XRCC5: variants seen among roughly 807,000 people sequenced by gnomAD.
XRCC5 encodes DNA repair protein Ku80.
Under a neutral mutation model 95.7 loss-of-function variants are expected in XRCC5, and 12 were observed. The ratio of observed to expected loss-of-function variants is 0.13; its 90% confidence interval spans 0.08 to 0.20. XRCC5 has a LOEUF of 0.20. Ranked by LOEUF, XRCC5 falls within the 10% of genes least tolerant of loss-of-function variation. The pLI, the probability that XRCC5 is intolerant of heterozygous loss-of-function variation, is 1.00. For missense variants in XRCC5, 595 were observed against 873.9 expected (o/e 0.68, Z 4.02); for synonymous variants, 281 against 290.3 (o/e 0.97, Z 0.33).
Position 216,152,854 on chromosome 2 carries a change from C to T in XRCC5, c.1670+4578C>T, listed in dbSNP as rs191127035. ...GTCGAGATAGAGTCTTACTTTGTTC[C>T]CTAGGATGGATTCCTTTTTCTGCTT... On this transcript the variant is annotated intron_variant, in intron 14 of 20. Coordinates refer to ENST00000392132, the MANE Select transcript of XRCC5 (RefSeq NM_021141.4). Among the ~76,000 whole-genome samples the T allele has an allele frequency of 8.0e-4, 121 of 151,966 alleles. No homozygotes were observed. In the Middle Eastern group the frequency reaches 0.01, roughly 13 times the overall value.
chr2:216,138,138 T>C lies in XRCC5; in HGVS notation c.1301T>C (p.Met434Thr). The stretch of plus-strand genomic sequence containing the variant: ...TTCATGGAAGACTTGCGGCAATACA[T>C]GTTTTCATCCTTGAAAAACAGTAAG... ...LPFMEDLRQY[M>T]FSSLKNSKKY... The change falls in exon 12 of 21, where the codon ATG becomes ACG. Residue 434 changes from methionine to threonine, a missense_variant. Around this residue, in one of 2 missense-constraint regions of XRCC5, gnomAD observed 309 missense variants for 382.9 expected, o/e 0.81. Coordinates refer to ENST00000392132, the MANE Select transcript of XRCC5 (RefSeq NM_021141.4). 1.9e-6 allele frequency: 3 copies of C among 1,613,588 alleles called. No individual in the cohort carries two copies. The highest frequency in any genetic ancestry group is 2.5e-6 in the Non-Finnish European group (3 of 1,179,964).
rs750984846 is a variant in XRCC5, at chr2:216,116,602, T to C, written c.136-57T>C. ...GTCCTGCTCCCTGAAGGTTAGGTAT[T>C]TTATTGCTTCCAGATTGTTCTAATA... On this transcript the variant is annotated intron_variant, in intron 2 of 20. Transcript: ENST00000392132. 3.7e-6 allele frequency: 6 copies of C among 1,605,532 alleles called. No homozygotes were observed. The African/African-American group carries it at 5.3e-5, about 14-fold the overall frequency.
intron 16 of XRCC5, among the ~76,000 whole-genome samples, chr2:216,182,984 T>C (rs560032493): frequency 6.6e-6 from 1 of 152,332 alleles, no homozygotes; most frequent in Non-Finnish European, 1.5e-5. Flanking sequence ...TCTGGTCATA[T>C]ACCCAAGCTA....
intron 10 of XRCC5, among the ~76,000 whole-genome samples, chr2:216,135,813 G>A (rs1697065457): frequency 6.6e-6 from 1 of 150,800 alleles, no homozygotes; most frequent in South Asian, 2.1e-4. Flanking sequence ...AAAAAAAAGT[G>A]AAGGATGAGA....
At chr2:216,131,122 G>A (rs949966810) in intron 9 of XRCC5, 135 bp downstream of exon 9, 18 of 1,414,062 alleles carry the variant, frequency 1.3e-5, no homozygotes, top group South Asian at 1.5e-5. Context: ...GGGGGTTAAT[G>A]TTGCCATGGT....
chr2:216,141,826 G>C (rs1361870444), intron 13 of XRCC5, among the ~76,000 whole-genome samples: 1 of 152,104 alleles, frequency 6.6e-6, no homozygotes, highest in East Asian at 1.9e-4. Flanking sequence ...GCTGAGGCAG[G>C]TGCATCACTT....
intron 13 of XRCC5, among the ~76,000 whole-genome samples, chr2:216,142,634 G>A (rs377627961): frequency 2.5e-4 from 38 of 152,216 alleles, no homozygotes; most frequent in African/African-American, 8.9e-4. Flanking sequence ...AAGGCAAGCT[G>A]TTGCTCACAG....
chr2:216,109,586 C>T, intron 1 of XRCC5, 129 bp downstream of exon 1: 5 of 1,389,866 alleles, frequency 3.6e-6, no homozygotes, highest in Non-Finnish European at 5.0e-6. Flanking sequence ...GTGGTGGGCT[C>T]AGTCAGGAGG....
At chr2:216,140,904 T>C (rs1697160454) in intron 12 of XRCC5, among the ~76,000 whole-genome samples, 1 of 152,256 alleles carries the variant, frequency 6.6e-6, no homozygotes, top group South Asian at 2.1e-4. Context: ...TATGGCTGTA[T>C]TCCTCTGAAA....
chr2:216,137,370 G>A (rs1697101287), intron 11 of XRCC5, 145 bp downstream of exon 11: 3 of 940,280 alleles, frequency 3.2e-6, no homozygotes, highest in Admixed American at 3.8e-5. Context: ...GCAGGGCCCA[G>A]ATTCTCTGTT....
chr2:216,204,380 G>A lies in XRCC5; in HGVS notation c.2168G>A (p.Gly723Asp). 6.2e-7 allele frequency: 1 copy of A among 1,613,920 alleles called. No individual in the cohort carries two copies. Among genetic ancestry groups the A allele is most frequent in the Non-Finnish European group, 8.5e-7 (1 of 1,179,830 alleles). The change falls in exon 20 of 21, where the codon GGT becomes GAT. Residue 723 changes from glycine (G) to aspartate (D), a missense_variant. This residue lies in a region of XRCC5 where 309 missense variants were observed against 382.9 expected (regional missense o/e 0.81). Transcript: ENST00000392132. ...ACAGCAGCTGTATTTGAAGAAGGTGGTGATGTGGACGATTTAGTAAGTACT... is the reference window on the plus strand; with the variant it reads ...ACAGCAGCTGTATTTGAAGAAGGTGATGATGTGGACGATTTAGTAAGTACT... ...GDTAAVFEEG[G>D]DVDDLLDMI
chr2:216,161,953 G>T, intron 15 of XRCC5, 26 bp from the exon 16 acceptor site: 2 of 1,607,524 alleles, frequency 1.2e-6, no homozygotes, highest in Non-Finnish European at 1.7e-6. Flanking sequence ...TAACCTGTAG[G>T]TTTATCATCT....
At chr2:216,130,563 A>G in intron 8 of XRCC5, 1 of 206,352 alleles carries the variant, frequency 4.8e-6, no homozygotes, top group East Asian at 1.2e-4. Flanking sequence ...TTTGGAGGAT[A>G]ACTAGTACGT....
At chr2:216,167,936 C>G (rs1689085689) in intron 16 of XRCC5, among the ~76,000 whole-genome samples, 1 of 152,068 alleles carries the variant, frequency 6.6e-6, no homozygotes, top group African/African-American at 2.4e-5. Context: ...GAGGTTTAGT[C>G]TGTACTTTGT....
intron 16 of XRCC5, among the ~76,000 whole-genome samples, chr2:216,168,467 A>G (rs1347583960): frequency 1.3e-5 from 2 of 152,250 alleles, no homozygotes; most frequent in African/African-American, 4.8e-5. Context: ...ACCATTATGC[A>G]CACATAATCA....
chr2:216,109,430 C>G lies in XRCC5; in HGVS notation c.-7C>G. ...AGAAGCGACCAAAGCGCCTGAGGAC[C>G]GGCAACATGGTGCGGTCGGGGAATA... On this transcript the variant is annotated 5_prime_UTR_variant, in exon 1 of 21. Coordinates refer to ENST00000392132, the MANE Select transcript of XRCC5 (RefSeq NM_021141.4). The G allele has an allele frequency of 6.2e-7, 1 of 1,613,978 alleles. No homozygotes were observed. Among genetic ancestry groups the G allele is most frequent in the South Asian group, 1.1e-5 (1 of 91,068 alleles).
intron 16 of XRCC5, among the ~76,000 whole-genome samples, chr2:216,170,824 G>C (rs1343719371): frequency 6.6e-6 from 1 of 152,228 alleles, no homozygotes; most frequent in African/African-American, 2.4e-5. Context: ...GTGAGACAGA[G>C]AGCAGTTCAA....
intron 19 of XRCC5, among the ~76,000 whole-genome samples, chr2:216,200,741 G>C (rs1415412026): frequency 6.6e-6 from 1 of 152,082 alleles, no homozygotes; most frequent in Non-Finnish European, 1.5e-5. Context: ...AGAGTCATCT[G>C]GCCTGTTTTT....
At chr2:216,133,678 T>C (rs893643789) in intron 10 of XRCC5, among the ~76,000 whole-genome samples, 1 of 152,240 alleles carries the variant, frequency 6.6e-6, no homozygotes, top group Non-Finnish European at 1.5e-5. Flanking sequence ...CTAATTTCTG[T>C]ATATCATAGG....
Sources: allele counts gnomAD v4.1 joint callset (sites outside exome capture counted in the v4.1 genomes callset), GRCh38; gene constraint gnomAD v4.1.1; regional missense constraint gnomAD v4.1.1; transcripts MANE v1.5; gene names NCBI Gene and HGNC (gene_info 2026-07-23, HGNC 2026-07-21).